Variants in CTNNA3 observed in about 807,000 individuals in gnomAD.
CTNNA3 encodes the protein catenin alpha 3, also known as catenin alpha-3.
A neutral mutation model predicts 95.7 loss-of-function variants in CTNNA3; 76 were observed. The ratio of observed to expected loss-of-function variants is 0.79; its 90% confidence interval spans 0.66 to 0.96. CTNNA3 has a LOEUF of 0.96. CTNNA3 is among the 40% of genes least tolerant of loss of function. The pLI is 0.00. For synonymous variants in CTNNA3, 431 were observed against 374.4 expected, an observed-to-expected ratio of 1.15 and a Z score of -1.74; for missense variants, 1,191 against 1,089.8, an observed-to-expected ratio of 1.09 and a Z score of -1.31.
intron 8 of CTNNA3, among the ~76,000 whole-genome samples, chr10:66,770,164 G>C (rs1319218518): frequency 6.6e-6 from 1 of 152,118 alleles, no homozygotes; most frequent in African/African-American, 2.4e-5. Context: ...TAGAAATGTA[G>C]GTAGGGACAA....
intron 10 of CTNNA3, 73 bp downstream of exon 10, chr10:66,621,619 G>T: frequency 3.3e-5 from 26 of 783,534 alleles, no homozygotes; most frequent in Non-Finnish European, 5.0e-5. Flanking sequence ...AAAAAATAGT[G>T]TATTTTCATA....
intron 7 of CTNNA3, among the ~76,000 whole-genome samples, chr10:67,109,760 G>A (rs537294363): frequency 1.3e-5 from 2 of 152,258 alleles, no homozygotes; most frequent in East Asian, 3.9e-4. Flanking sequence ...GGAGAATGGG[G>A]TGAATCTGGG....
chr10:67,433,519 C>A (rs934278936), intron 5 of CTNNA3, among the ~76,000 whole-genome samples: 1 of 152,050 alleles, frequency 6.6e-6, no homozygotes, highest in East Asian at 1.9e-4. Flanking sequence ...CACAAACCTT[C>A]TATCTGTAAA....
chr10:66,006,466 C>G (rs2078886207), intron 15 of CTNNA3, among the ~76,000 whole-genome samples: 1 of 152,048 alleles, frequency 6.6e-6, no homozygotes, highest in Non-Finnish European at 1.5e-5. Flanking sequence ...TACTCAGCAC[C>G]AACATTTGAA....
intron 12 of CTNNA3, among the ~76,000 whole-genome samples, chr10:66,356,055 CTA>C (rs2092606324): frequency 6.8e-6 from 1 of 147,764 alleles, no homozygotes; most frequent in Admixed American, 6.7e-5. Context: ...CTCTTAATTA[CTA>C]TAGTTTTATA....
At chr10:67,748,364 G>A (rs772685309) in intron 1 of CTNNA3, among the ~76,000 whole-genome samples, 5 of 152,064 alleles carry the variant, frequency 3.3e-5, no homozygotes, top group Admixed American at 6.6e-5. Context: ...AAAAGGCCAG[G>A]TCACCTACAA....
intron 5 of CTNNA3, among the ~76,000 whole-genome samples, chr10:67,331,362 A>G (rs2132583697): frequency 6.6e-6 from 1 of 152,368 alleles, no homozygotes; most frequent in South Asian, 2.1e-4. Context: ...CATCACTTGC[A>G]GGCAGCAGGA....
At chr10:67,719,161 AT>A (rs552525449) in intron 1 of CTNNA3, among the ~76,000 whole-genome samples, 110 of 151,678 alleles carry the variant, frequency 7.3e-4, no homozygotes, top group Middle Eastern at 3.4e-3. Context: ...CCCCTTTATA[AT>A]TTTTTATTTT....
rs533459556 is a variant in CTNNA3, at chr10:66,053,223, A to G, written c.2159+16085T>C. 1.6e-3 allele frequency among the ~76,000 whole-genome samples: 243 copies of G among 151,934 alleles called. 2 individuals are homozygous for G. Among genetic ancestry groups the G allele is most frequent in the African/African-American group, 5.4e-3 (224 of 41,488 alleles). On this transcript the variant is annotated intron_variant, in intron 15 of 17. Coordinates refer to ENST00000433211, the MANE Select transcript of CTNNA3 (RefSeq NM_013266.4). ...ATAACTATTTTATTTTTGTTTTTAA[A>G]TATCAGATTAATTCAATATTGTTTT...
In CTNNA3 at chr10:66,700,507, C is replaced by T. The variant is rs147897009; in HGVS notation, c.1281+65757G>A. On this transcript the variant is annotated intron_variant, in intron 9 of 17. Transcript: ENST00000433211. ...TTGGTCCATGCATCTGTTTTTATGC[C>T]AGTAACATAGTGTTTGGTTACTATT... Among the ~76,000 whole-genome samples the T allele has an allele frequency of 4.7e-3, 714 of 152,160 alleles. 5 individuals are homozygous for T. The highest frequency in any genetic ancestry group is 0.016 in the African/African-American group (671 of 41,494).
chr10:66,621,549 G>A (rs562832842), intron 10 of CTNNA3, 143 bp downstream of exon 10: 9 of 491,806 alleles, frequency 1.8e-5, no homozygotes, highest in Admixed American at 1.2e-4. Flanking sequence ...TCGAGATTGC[G>A]CCACTGCATT....
At chr10:67,187,552 T>C (rs1862912753) in intron 6 of CTNNA3, among the ~76,000 whole-genome samples, 1 of 151,986 alleles carries the variant, frequency 6.6e-6, no homozygotes, top group Non-Finnish European at 1.5e-5. Flanking sequence ...CTCTCTCTCT[T>C]TCTTTCTCTC....
intron 7 of CTNNA3, among the ~76,000 whole-genome samples, chr10:66,973,082 T>C (rs12240613): frequency 0.09 from 13,645 of 152,250 alleles, 722 homozygotes; most frequent in African/African-American, 0.15. Context: ...AAATGGTTCT[T>C]TTTTTATTGC....
At chr10:66,690,650 A>G (rs1405968030) in intron 9 of CTNNA3, among the ~76,000 whole-genome samples, 1 of 150,722 alleles carries the variant, frequency 6.6e-6, no homozygotes, top group African/African-American at 2.5e-5. Flanking sequence ...AAGGACATGA[A>G]CTCATCATTT....
At chr10:67,580,471 T>G (rs1219019384) in intron 3 of CTNNA3, among the ~76,000 whole-genome samples, 2 of 151,758 alleles carry the variant, frequency 1.3e-5, no homozygotes, top group African/African-American at 4.9e-5. Flanking sequence ...CCTTGTAATA[T>G]AGTTTGAAGT....
Position 66,006,645 on chromosome 10 carries a change from T to C in CTNNA3, c.2160-17848A>G, listed in dbSNP as rs563381763. Among the ~76,000 whole-genome samples, 4 of 152,162 alleles carry C rather than the reference T, an allele frequency of 2.6e-5. No homozygotes were observed. In the South Asian group the frequency reaches 8.3e-4, roughly 32 times the overall value. On this transcript the variant is annotated intron_variant, in intron 15 of 17. Coordinates refer to ENST00000433211, the MANE Select transcript of CTNNA3 (RefSeq NM_013266.4). Reference sequence around the variant, plus strand: ...ACATGATTCTTACAGAGCCTGGGCATTTTTTCCAGCTTCGCTTTAAACCAC... The same window carrying C: ...ACATGATTCTTACAGAGCCTGGGCACTTTTTCCAGCTTCGCTTTAAACCAC...
At chr10:66,155,558 A>G (rs2084449548) in intron 13 of CTNNA3, among the ~76,000 whole-genome samples, 1 of 151,856 alleles carries the variant, frequency 6.6e-6, no homozygotes, top group Non-Finnish European at 1.5e-5. Context: ...CACGTTCCTG[A>G]TCTACAGCAA....
At chr10:65,953,882 C>A (rs186894192) in intron 17 of CTNNA3, among the ~76,000 whole-genome samples, 16,305 of 152,016 alleles carry the variant, frequency 0.11, 1,098 homozygotes, top group East Asian at 0.2. Context: ...ATGATTTATA[C>A]TCCTTTGGGT....
intron 7 of CTNNA3, among the ~76,000 whole-genome samples, chr10:67,047,855 A>G (rs1205567939): frequency 6.6e-6 from 1 of 152,026 alleles, no homozygotes. Context: ...TCCTGCTCTT[A>G]GTTCAATGTC....
Sources: gnomAD v4.1 joint callset for allele counts (sites outside exome capture counted in the v4.1 genomes callset) on GRCh38, gnomAD v4.1.1 for gene constraint, MANE v1.5 for transcripts, NCBI Gene and HGNC (gene_info 2026-07-23, HGNC 2026-07-21) for gene names.